The following ADAM10 variants were observed in gnomAD, a reference collection of about 807,000 sequenced individuals.
The protein encoded by ADAM10 is ADAM metallopeptidase domain 10.
Under a neutral mutation model 90.1 loss-of-function variants are expected in ADAM10, and 17 were observed. The ratio of observed to expected loss-of-function variants is 0.19; its 90% CI spans 0.13 to 0.28. The LOEUF is 0.28. Among genes scored for constraint, ADAM10 ranks in the 10% least tolerant of loss-of-function variants. The probability of loss-of-function intolerance (pLI) is 1.00; values close to 1 mark genes in which losing one functional copy is unlikely to be tolerated. For synonymous variants in ADAM10, 310 were observed against 298.6 expected, an observed-to-expected ratio of 1.04 and a Z score of -0.40; for missense variants, 610 against 914.3, an observed-to-expected ratio of 0.67 and a Z score of 4.29.
At chr15:58,637,236 CA>C in intron 8 of ADAM10, among the ~76,000 whole-genome samples, 1 of 152,262 alleles carries the variant, frequency 6.6e-6, no homozygotes, top group East Asian at 1.9e-4. Flanking sequence ...TGAAATGCCT[CA>C]AAAGATGTTC....
At chr15:58,688,221 A>G (rs1388396436) in intron 2 of ADAM10, among the ~76,000 whole-genome samples, 2 of 152,206 alleles carry the variant, frequency 1.3e-5, no homozygotes, top group African/African-American at 4.8e-5. Flanking sequence ...TTTTTAAATT[A>G]AAAGTTTTTT....
rs925526078 is a variant in ADAM10, at chr15:58,682,566, G to A, written c.207-252C>T. On this transcript the variant is annotated intron_variant, in intron 2 of 15. Coordinates refer to ENST00000260408, the MANE Select transcript of ADAM10 (RefSeq NM_001110.4). ...TGTTAAAAATAAATGCCTATAGACT[G>A]ATTCTTACATGGTAAAACAAGATAT... is the stretch of plus-strand genomic sequence containing the variant. Among the ~76,000 whole-genome samples the A allele has an allele frequency of 7.9e-5, 12 of 152,206 alleles. No individual in the cohort carries two copies. In the South Asian group the frequency reaches 2.3e-3, roughly 29 times the overall value.
intron 5 of ADAM10, among the ~76,000 whole-genome samples, chr15:58,660,408 G>A (rs1377192807): frequency 2.6e-5 from 4 of 151,158 alleles, no homozygotes; most frequent in African/African-American, 4.9e-5. Context: ...TTTCTTTTAC[G>A]CTCATTTGGT....
intron 9 of ADAM10, among the ~76,000 whole-genome samples, chr15:58,630,167 G>A (rs1896064370): frequency 1.3e-5 from 2 of 152,066 alleles, no homozygotes; most frequent in South Asian, 2.1e-4. Context: ...AGAGCATTCC[G>A]TGGTATTTTC....
At chr15:58,636,758 A>C (rs966527613) in intron 8 of ADAM10, among the ~76,000 whole-genome samples, 38 of 152,204 alleles carry the variant, frequency 2.5e-4, no homozygotes, top group African/African-American at 8.0e-4. Flanking sequence ...AAAAAATACA[A>C]GAGTAATATG....
intron 5 of ADAM10, among the ~76,000 whole-genome samples, chr15:58,651,754 G>C (rs916805220): frequency 3.9e-5 from 6 of 152,126 alleles, no homozygotes; most frequent in South Asian, 2.1e-4. Context: ...GTATCTCTTC[G>C]GGTAGATGTG....
At chr15:58,732,001 G>A (rs570614794) in intron 1 of ADAM10, among the ~76,000 whole-genome samples, 12 of 152,328 alleles carry the variant, frequency 7.9e-5, no homozygotes, top group African/African-American at 2.2e-4. Flanking sequence ...AGAGCCTGGT[G>A]TTTGTGAAGA....
intron 4 of ADAM10, among the ~76,000 whole-genome samples, chr15:58,670,213 A>AG (rs1491336334): frequency 4.0e-5 from 6 of 150,956 alleles, no homozygotes; most frequent in Non-Finnish European, 5.9e-5. Context: ...AAAAAAAAAT[A>AG]GGAGACATTT....
chr15:58,739,780 A>T (rs1334462134), intron 1 of ADAM10, among the ~76,000 whole-genome samples: 1 of 152,198 alleles, frequency 6.6e-6, no homozygotes, highest in Admixed American at 6.5e-5. Flanking sequence ...CAATATTCCA[A>T]TTTTAACAAA....
At chr15:58,640,659 A>T (rs1896394373) in intron 8 of ADAM10, 118 bp downstream of exon 8, 2 of 978,094 alleles carry the variant, frequency 2.0e-6, no homozygotes, top group Non-Finnish European at 3.1e-6. Flanking sequence ...CTCAAGTAGC[A>T]TAAATTAGGA....
rs1189840952 is a variant in ADAM10 at position 58,627,780 on chromosome 15, A to G, written c.1280T>C (p.Leu427Pro). ...MYARATSGDKLNNNKFSLCSI... is the reference protein window; with the variant it reads ...MYARATSGDKPNNNKFSLCSI... Reference sequence around the variant, plus strand: ...ACAGAGTGAGAATTTATTGTTGTTAAGTTTGTCCCCAGATGTTGCTCTTGC... The same window carrying G: ...ACAGAGTGAGAATTTATTGTTGTTAGGTTTGTCCCCAGATGTTGCTCTTGC... Residue 427 changes from leucine to proline, a missense_variant, in exon 10 of 16, where the codon CTT becomes CCT. By Grantham distance (98) the Leu-to-Pro change is moderately conservative. Transcript: ENST00000260408. The G allele has an allele frequency of 6.2e-7, 1 of 1,613,518 alleles. No individual in the cohort carries two copies. The highest frequency in any genetic ancestry group is 8.5e-7 in the Non-Finnish European group (1 of 1,179,696).
At chr15:58,739,110 A>T (rs1461781901) in intron 1 of ADAM10, among the ~76,000 whole-genome samples, 2 of 152,194 alleles carry the variant, frequency 1.3e-5, no homozygotes, top group Non-Finnish European at 2.9e-5. Flanking sequence ...GCTCCTCCCT[A>T]CTAAATGGCC....
intron 11 of ADAM10, among the ~76,000 whole-genome samples, chr15:58,617,228 T>A (rs1359629047): frequency 6.6e-6 from 1 of 151,430 alleles, no homozygotes; most frequent in Non-Finnish European, 1.5e-5. Context: ...CCAAATAAAA[T>A]CAGAAACAAA....
chr15:58,736,902 C>G (rs1416943646), intron 1 of ADAM10, among the ~76,000 whole-genome samples: 6 of 151,742 alleles, frequency 4.0e-5, no homozygotes, highest in Non-Finnish European at 7.4e-5. Flanking sequence ...ATCACTTTAG[C>G]TCGGGAGTTC....
intron 10 of ADAM10, among the ~76,000 whole-genome samples, chr15:58,627,259 G>A (rs552262275): frequency 2.0e-5 from 3 of 152,236 alleles, no homozygotes; most frequent in African/African-American, 7.2e-5. Context: ...GCCTCTGAGG[G>A]TGTGTTGGGA....
intron 12 of ADAM10, chr15:58,611,419 G>A: frequency 3.0e-6 from 1 of 334,606 alleles, no homozygotes; most frequent in South Asian, 4.1e-5. Context: ...TATAAAGAAA[G>A]AAAAATTAAA....
chr15:58,691,405 C>T, intron 2 of ADAM10: 2 of 728,126 alleles, frequency 2.7e-6, no homozygotes, highest in South Asian at 2.7e-5. Context: ...TCCACAAAAG[C>T]AGAGTTGGCT....
At chr15:58,644,860 CG>C (rs1193031741) in intron 6 of ADAM10, among the ~76,000 whole-genome samples, 3 of 152,060 alleles carry the variant, frequency 2.0e-5, no homozygotes, top group Non-Finnish European at 4.4e-5. Context: ...ACTTTAGTAG[CG>C]GAAGAAAGGA....
chr15:58,703,351 G>C (rs1595636346), intron 2 of ADAM10, among the ~76,000 whole-genome samples: 1 of 148,000 alleles, frequency 6.8e-6, no homozygotes, highest in East Asian at 2.0e-4. Context: ...TCCACTTGTA[G>C]GTATATACCC....
Sources: allele counts gnomAD v4.1 joint callset (sites outside exome capture counted in the v4.1 genomes callset), GRCh38; gene constraint gnomAD v4.1.1; transcripts MANE v1.5; gene names NCBI Gene and HGNC (gene_info 2026-07-23, HGNC 2026-07-21).